Variants in ATP11C observed in about 807,000 individuals in gnomAD.
ATP11C encodes the protein phospholipid-transporting ATPase IG.
In ATP11C, 36 loss-of-function variants were observed where a neutral mutation model predicts 97.4. The observed-to-expected ratio is 0.37, with a 90% CI of 0.28 to 0.49. ATP11C has a LOEUF of 0.49. Ranked by LOEUF, ATP11C falls within the 20% of genes least tolerant of loss-of-function variation. The pLI, the probability that ATP11C is intolerant of heterozygous loss-of-function variation, is 0.98. For missense variants in ATP11C, 730 were observed against 824.6 expected (o/e 0.89, Z 1.40); for synonymous variants, 275 against 290.9 (o/e 0.95, Z 0.56).
At chrX:139,777,309 T>C (rs1053195211) in intron 18 of ATP11C, among the ~76,000 whole-genome samples, 18 of 109,760 alleles carry the variant, frequency 1.6e-4, no homozygotes, top group Admixed American at 1.2e-3. Context: ...ATATGAAAGA[T>C]AAGGATAGCT....
chrX:139,888,492 A>G lies in ATP11C; in HGVS notation c.27+43524T>C, dbSNP rs983477935. Among the ~76,000 whole-genome samples the G allele has an allele frequency of 7.2e-5, 8 of 111,565 alleles. No homozygotes were observed. In the East Asian group the frequency reaches 1.7e-3, roughly 24 times the overall value. On this transcript the variant is annotated intron_variant, in intron 1 of 29. Transcript: ENST00000682941. ...AAAAAATGTTAAGACACTTGTTCAA[A>G]ATCATTAGTCATTAGGAAAAATGCA... is the stretch of plus-strand genomic sequence containing the variant.
intron 19 of ATP11C, among the ~76,000 whole-genome samples, chrX:139,772,313 A>G (rs1569447449): frequency 8.9e-6 from 1 of 112,352 alleles, no homozygotes; most frequent in African/African-American, 3.2e-5. Flanking sequence ...TGTCCAGGCA[A>G]AAGTTTGCTG....
chrX:139,880,193 A>G (rs1485482495), intron 1 of ATP11C, among the ~76,000 whole-genome samples: 1 of 111,656 alleles, frequency 9.0e-6, no homozygotes, highest in Non-Finnish European at 1.9e-5. Flanking sequence ...GCCCAGAGCA[A>G]GAATAGTAGG....
At chrX:139,757,980 G>C (rs1218241437) in intron 22 of ATP11C, 113 bp from the exon 23 acceptor site, 1 of 468,280 alleles carries the variant, frequency 2.1e-6, no homozygotes, top group Non-Finnish European at 3.5e-6. Context: ...TCCTTCTAAT[G>C]TCAGAATGCA....
intron 1 of ATP11C, among the ~76,000 whole-genome samples, chrX:139,858,160 T>A (rs1324315524): frequency 8.8e-6 from 1 of 113,140 alleles, no homozygotes. Context: ...AACCTTGGGC[T>A]TCCCGGCCTT....
intron 13 of ATP11C, among the ~76,000 whole-genome samples, chrX:139,788,595 G>A (rs2082625087): frequency 9.0e-6 from 1 of 111,607 alleles, no homozygotes; most frequent in South Asian, 3.8e-4. Flanking sequence ...CACCACCTAA[G>A]CCAAAGCAGT....
chrX:139,827,702 T>A (rs2083560758), intron 1 of ATP11C, among the ~76,000 whole-genome samples: 2 of 111,741 alleles, frequency 1.8e-5, no homozygotes, highest in African/African-American at 6.5e-5. Context: ...ATTCCCATTA[T>A]TTTTTAGAAC....
At chrX:139,773,218 C>A (rs2082287655) in intron 19 of ATP11C, among the ~76,000 whole-genome samples, 1 of 111,497 alleles carries the variant, frequency 9.0e-6, no homozygotes, top group Admixed American at 9.5e-5. Context: ...TGCCATGATT[C>A]TGAGGCCTCC....
intron 1 of ATP11C, among the ~76,000 whole-genome samples, chrX:139,926,910 A>T (rs1275581954): frequency 8.9e-6 from 1 of 112,397 alleles, no homozygotes; most frequent in African/African-American, 3.2e-5. Context: ...TCAGCCTAGC[A>T]TCTATTTGCA....
At chrX:139,822,778 T>A (rs1307061416) in intron 2 of ATP11C, among the ~76,000 whole-genome samples, 1 of 109,105 alleles carries the variant, frequency 9.2e-6, no homozygotes, top group Non-Finnish European at 1.9e-5. Context: ...GGTCTCGAAC[T>A]TCACCCGCCT....
At chrX:139,829,717 G>T (rs971452400) in intron 1 of ATP11C, among the ~76,000 whole-genome samples, 6 of 111,171 alleles carry the variant, frequency 5.4e-5, no homozygotes, top group Non-Finnish European at 1.9e-5. Context: ...ACATAATAAA[G>T]TATGGCAAAT....
intron 5 of ATP11C, among the ~76,000 whole-genome samples, chrX:139,814,443 G>A (rs1172373492): frequency 8.9e-6 from 1 of 111,968 alleles, no homozygotes; most frequent in East Asian, 2.8e-4. Context: ...GTAATTCAAT[G>A]TTCATAGCAA....
chrX:139,786,109 T>TA (rs2082568109), intron 15 of ATP11C, among the ~76,000 whole-genome samples: 1 of 111,330 alleles, frequency 9.0e-6, no homozygotes, highest in Admixed American at 9.5e-5. Context: ...AGAAAGCCAA[T>TA]AAAAGGGTTT....
intron 27 of ATP11C, among the ~76,000 whole-genome samples, chrX:139,739,401 C>A (rs772835495): frequency 8.2e-5 from 9 of 110,131 alleles, no homozygotes; most frequent in African/African-American, 3.0e-4. Context: ...ATCATTCTCA[C>A]TACCCAACCC....
At chrX:139,815,871 T>C (rs1569469079) in intron 4 of ATP11C, among the ~76,000 whole-genome samples, 2 of 111,109 alleles carry the variant, frequency 1.8e-5, no homozygotes, top group Admixed American at 1.9e-4. Flanking sequence ...CTTTATAGAG[T>C]ACATTTTGTG....
At chrX:139,780,826 G>A (rs2082440108) in intron 18 of ATP11C, among the ~76,000 whole-genome samples, 1 of 111,982 alleles carries the variant, frequency 8.9e-6, no homozygotes. Context: ...CTCAGAGGCA[G>A]AAAATCAAAT....
At chrX:139,847,858 T>C (rs2083933470) in intron 1 of ATP11C, among the ~76,000 whole-genome samples, 1 of 111,365 alleles carries the variant, frequency 9.0e-6, no homozygotes, top group South Asian at 3.8e-4. Flanking sequence ...CTCTTAACTA[T>C]GTAACTCAGA....
intron 1 of ATP11C, among the ~76,000 whole-genome samples, chrX:139,920,219 T>C (rs182781255): frequency 7.3e-5 from 8 of 108,951 alleles, no homozygotes; most frequent in Admixed American, 2.0e-4. Flanking sequence ...TAGTCGAGTG[T>C]GGTGGTGCGT....
intron 1 of ATP11C, among the ~76,000 whole-genome samples, chrX:139,857,643 G>A (rs190024316): frequency 3.2e-4 from 36 of 111,455 alleles, no homozygotes; most frequent in African/African-American, 1.1e-3. Context: ...GGGGAACAAC[G>A]CAGCAGCAGG....
Sources: gnomAD v4.1 joint callset for allele counts (sites outside exome capture counted in the v4.1 genomes callset) on GRCh38, gnomAD v4.1.1 for gene constraint, MANE v1.5 for transcripts, NCBI Gene and HGNC (gene_info 2026-07-23, HGNC 2026-07-21) for gene names.